Variants in LCT observed in about 807,000 individuals in gnomAD.
LCT encodes the protein lactase/phlorizin hydrolase.
A neutral mutation model predicts 173.0 loss-of-function variants in LCT; 90 were observed. The ratio of observed to expected loss-of-function variants is 0.52; its 90% confidence interval spans 0.44 to 0.62. The LOEUF is 0.62. Among genes scored for constraint, LCT ranks in the 20% least tolerant of loss-of-function variants. LCT has a pLI of 0.00. For missense variants in LCT, 1,864 were observed against 2,431.4 expected (o/e 0.77, Z 4.91); for synonymous variants, 853 against 957.6 (o/e 0.89, Z 2.02).
Position 135,812,270 on chromosome 2 carries a change from A to C in LCT, c.2353+41T>G, listed in dbSNP as rs769013151. ...CGAAACTTTGAAGACTTGGAGAAGTACCACCCACCTTCCAATCACTGGCAC... is the reference window on the plus strand; with the variant it reads ...CGAAACTTTGAAGACTTGGAGAAGTCCCACCCACCTTCCAATCACTGGCAC... On this transcript the variant is annotated intron_variant, in intron 7 of 16. Coordinates refer to ENST00000264162, the MANE Select transcript of LCT (RefSeq NM_002299.4). The C allele has an allele frequency of 2.0e-5, 31 of 1,545,410 alleles. No homozygotes were observed. The African/African-American group carries it at 3.8e-4, about 19-fold the overall frequency.
chr2:135,836,725 C>G lies in LCT; in HGVS notation c.445G>C (p.Asp149His), dbSNP rs1451370043. 1 of 1,614,046 alleles carries G rather than the reference C, an allele frequency of 6.2e-7. No individual in the cohort carries two copies. Among genetic ancestry groups the G allele is most frequent in the African/African-American group, 1.3e-5 (1 of 74,928 alleles). ...AATGTGGCATAGTCGGCGAAGAGGT[C>G]AGCAAAGGCTTCGGTTCTCCGGAGG... ...STLRRTEAFA[D>H]LFADYATFAF... The change falls in exon 1 of 17, where the codon GAC (aspartate) becomes CAC (histidine). Residue 149 changes from aspartate (D) to histidine (H), a missense_variant. Coordinates refer to ENST00000264162, the MANE Select transcript of LCT (RefSeq NM_002299.4).
In LCT at chr2:135,788,548, G is replaced by A. The variant is rs1257618046; in HGVS notation, c.5564-4C>T. 6.3e-7 allele frequency: 1 copy of A among 1,581,670 alleles called. No individual in the cohort carries two copies. Among genetic ancestry groups the A allele is most frequent in the East Asian group, 2.2e-5 (1 of 44,786 alleles). ...GGGCTGATGGTGGGTCCAGCATCTA[G>A]GAGAGTGTGACACAGGGTGGTTGGT... On this transcript the variant is annotated splice_region_variant and splice_polypyrimidine_tract_variant and intron_variant, in intron 16 of 16. Coordinates refer to ENST00000264162, the MANE Select transcript of LCT (RefSeq NM_002299.4).
At chr2:135,791,106 C>T (rs541304497) in intron 14 of LCT, among the ~76,000 whole-genome samples, 1 of 152,364 alleles carries the variant, frequency 6.6e-6, no homozygotes, top group East Asian at 1.9e-4. Flanking sequence ...CCACTCAGCT[C>T]TCCGTCCTTC....
intron 5 of LCT, among the ~76,000 whole-genome samples, chr2:135,819,035 A>G (rs868664026): frequency 6.6e-6 from 1 of 152,214 alleles, no homozygotes; most frequent in African/African-American, 2.4e-5. Flanking sequence ...AAACCTTGTT[A>G]AAGGTGACAA....
chr2:135,812,815 G>C lies in LCT; in HGVS notation c.1849C>G (p.Leu617Val). 1 of 1,614,172 alleles carries C rather than the reference G, an allele frequency of 6.2e-7. No individual in the cohort carries two copies. Among genetic ancestry groups the C allele is most frequent in the Non-Finnish European group, 8.5e-7 (1 of 1,180,040 alleles). The change falls in exon 7 of 17, where the codon CTG (leucine) becomes GTG (valine). Residue 617 changes from leucine (L) to valine (V), a missense_variant. Coordinates refer to ENST00000264162, the MANE Select transcript of LCT (RefSeq NM_002299.4). ...TGCAAGAAGCGCTCAGAGGCTCTCA[G>C]GTCCTCAGGCCTCTCTGGAGACAGG... Reference protein sequence around the residue: ...EPLSPERPEDLRASERFLHFM... With the variant: ...EPLSPERPEDVRASERFLHFM...
chr2:135,818,477 TC>T (rs1426229458), intron 5 of LCT, among the ~76,000 whole-genome samples: 1 of 152,250 alleles, frequency 6.6e-6, no homozygotes, highest in African/African-American at 2.4e-5. Context: ...CATTTAATTT[TC>T]CCAACAAATT....
At chr2:135,798,953 G>C (rs1169264245) in intron 12 of LCT, among the ~76,000 whole-genome samples, 1 of 152,058 alleles carries the variant, frequency 6.6e-6, no homozygotes, top group East Asian at 1.9e-4. Flanking sequence ...CATAGTCCAT[G>C]GCTGCAGTAT....
intron 9 of LCT, among the ~76,000 whole-genome samples, chr2:135,806,859 C>A (rs1418342916): frequency 6.6e-6 from 1 of 152,176 alleles, no homozygotes; most frequent in Non-Finnish European, 1.5e-5. Flanking sequence ...GTGTCTTTGC[C>A]CAAGTACTTC....
At chr2:135,794,020 A>T (rs1431888603) in intron 14 of LCT, among the ~76,000 whole-genome samples, 1 of 151,562 alleles carries the variant, frequency 6.6e-6, no homozygotes, top group Non-Finnish European at 1.5e-5. Flanking sequence ...CGCGCCTGTA[A>T]TCCCAGCTAC....
At chr2:135,815,438 G>A (rs1355798689) in intron 6 of LCT, among the ~76,000 whole-genome samples, 1 of 152,144 alleles carries the variant, frequency 6.6e-6, no homozygotes, top group African/African-American at 2.4e-5. Context: ...GTGGTGGAAT[G>A]GCTCCATATG....
In LCT at chr2:135,821,945, G is replaced by A. The variant is rs919937300; in HGVS notation, c.986+75C>T. The stretch of plus-strand genomic sequence containing the variant: ...AGAGTTGATGACAACAGTCCTATAA[G>A]ATTATACATGTAAAAGAAACAGAGT... On this transcript the variant is annotated intron_variant, in intron 5 of 16. Transcript: ENST00000264162. 68 of 893,148 alleles carry A rather than the reference G, an allele frequency of 7.6e-5. No individual in the cohort carries two copies. In the Admixed American group the frequency reaches 1.2e-3, roughly 16 times the overall value. The allele number at this position is 893,148 out of a possible 1,614,324, so 55.3% of individuals were successfully genotyped here. A position where few individuals can be genotyped will look rare whatever the true frequency, so the allele number is the denominator to read the frequency against.
intron 5 of LCT, 48 bp downstream of exon 5, chr2:135,821,972 T>G: frequency 9.4e-7 from 1 of 1,058,820 alleles, no homozygotes; most frequent in Non-Finnish European, 1.5e-6. Context: ...AAACAGAGTA[T>G]TCTACAAATA....
At chr2:135,805,538 C>T (rs2077664029) in intron 9 of LCT, among the ~76,000 whole-genome samples, 1 of 152,152 alleles carries the variant, frequency 6.6e-6, no homozygotes, top group African/African-American at 2.4e-5. Context: ...TATGAGTAAG[C>T]CTCATTTTGG....
At position 135,801,671 on chromosome 2, in the gene LCT, T is replaced by C. The variant is rs1346893696; in HGVS notation, c.4664-862A>G. 2.0e-5 allele frequency among the ~76,000 whole-genome samples: 3 copies of C among 149,000 alleles called. No individual in the cohort carries two copies. In the East Asian group the frequency reaches 6.5e-4, roughly 32 times the overall value. On this transcript the variant is annotated intron_variant, in intron 11 of 16. Coordinates refer to ENST00000264162, the MANE Select transcript of LCT (RefSeq NM_002299.4). ...TGGAGACTGCAGTGAGCCGAGGGGT[T>C]CAAACAATTCTCCTGTCTCAGCCTC...
chr2:135,807,986 C>T (rs544837565), intron 8 of LCT, among the ~76,000 whole-genome samples: 11 of 151,016 alleles, frequency 7.3e-5, no homozygotes, highest in Admixed American at 2.0e-4. Flanking sequence ...AAAAATTAGC[C>T]GGGCACGGTG....
rs1404033949 is a variant in LCT at position 135,809,676 on chromosome 2, G to A, written c.2671C>T (p.Pro891Ser). The part of the protein sequence containing the change: ...KVVWEKFSSQ[P>S]KFERDLFYHG... Reference sequence around the variant, plus strand: ...TAGAACAAATCTCTTTCGAACTTGGGTTGGCTGGAGAACTTTTCCCAAACG... The same window carrying A: ...TAGAACAAATCTCTTTCGAACTTGGATTGGCTGGAGAACTTTTCCCAAACG... Residue 891 changes from proline to serine, a missense_variant, in exon 8 of 17, where the codon CCC becomes TCC. Coordinates refer to ENST00000264162, the MANE Select transcript of LCT (RefSeq NM_002299.4). This position sits in a 1 kb window ranked among gnomAD's most constrained non-coding sequence, Gnocchi z 5.5. The A allele has an allele frequency of 1.2e-6, 2 of 1,614,136 alleles. No homozygotes were observed. The highest frequency in any genetic ancestry group is 1.6e-4 in the Middle Eastern group (1 of 6,084).
In LCT at chr2:135,790,309, A is replaced by T. The variant is rs572463059; in HGVS notation, c.5335+349T>A. Among the ~76,000 whole-genome samples, 2 of 152,158 alleles carry T rather than the reference A, an allele frequency of 1.3e-5. No homozygotes were observed. The highest frequency in any genetic ancestry group is 2.9e-5 in the Non-Finnish European group (2 of 68,010). On this transcript the variant is annotated intron_variant, in intron 15 of 16. Transcript: ENST00000264162. The surrounding 1 kb of genome is among the most constrained non-coding windows in gnomAD (Gnocchi z 4.1). ...AGCCTCAAACTTTTGCTCGGAGACTAAGAGACCCTACAGGCAACCACACAG... is the reference window on the plus strand; with the variant it reads ...AGCCTCAAACTTTTGCTCGGAGACTTAGAGACCCTACAGGCAACCACACAG...
At position 135,808,977 on chromosome 2, in the gene LCT, G is replaced by A. The variant is rs1406012980; in HGVS notation, c.3370C>T (p.Leu1124Phe). 1 of 1,612,174 alleles carries A rather than the reference G, an allele frequency of 6.2e-7. No individual in the cohort carries two copies. The highest frequency in any genetic ancestry group is 1.7e-5 in the Admixed American group (1 of 59,932). ...QEQKGVISLS[L>F]STHWAEPKSP... ...TTGGGCTCTGCCCAGTGTGTACTGAGGCTCAGCGAGATGACCCCCTTCTGC... is the reference window on the plus strand; with the variant it reads ...TTGGGCTCTGCCCAGTGTGTACTGAAGCTCAGCGAGATGACCCCCTTCTGC... Residue 1124 changes from leucine (L) to phenylalanine (F), a missense_variant, in exon 8 of 17, where the codon CTC (leucine) becomes TTC (phenylalanine). By Grantham distance (22) the Leu-to-Phe change is conservative. Around this residue, in one of 4 missense-constraint regions of LCT, gnomAD observed 755 missense variants for 926.3 expected, o/e 0.82. Transcript: ENST00000264162.
At position 135,809,874 on chromosome 2, in the gene LCT, T is replaced by C; in HGVS notation, c.2473A>G (p.Ser825Gly). ...FGLHHVNFSD[S>G]SKSRTPRKSA... Reference sequence around the variant, plus strand: ...TTCCTGGGAGTCCTTGACTTGCTGCTGTCGCTGAAGTTGACGTGGTGCAGG... The same window carrying C: ...TTCCTGGGAGTCCTTGACTTGCTGCCGTCGCTGAAGTTGACGTGGTGCAGG... The change falls in exon 8 of 17, where the codon AGC becomes GGC. Residue 825 changes from serine (S) to glycine (G), a missense_variant. Physicochemically the swap from Ser to Gly is moderately conservative, Grantham distance 56. Transcript: ENST00000264162. The surrounding 1 kb of genome is among the most constrained non-coding windows in gnomAD (Gnocchi z 5.5). 1.2e-6 allele frequency: 2 copies of C among 1,614,222 alleles called. No homozygotes were observed. The highest frequency in any genetic ancestry group is 1.7e-6 in the Non-Finnish European group (2 of 1,180,034).
Sources: gnomAD v4.1 joint callset for allele counts (sites outside exome capture counted in the v4.1 genomes callset) on GRCh38, gnomAD v4.1.1 for gene constraint, gnomAD v4.1.1 regional missense constraint, Gnocchi (gnomAD v3.1) non-coding constraint, MANE v1.5 for transcripts, NCBI Gene and HGNC (gene_info 2026-07-23, HGNC 2026-07-21) for gene names.